Variants in ARNT2 observed in about 807,000 individuals in gnomAD.
ARNT2 encodes ARNT protein 2.
Under a neutral mutation model 91.7 loss-of-function variants are expected in ARNT2, and 36 were observed. The observed-to-expected ratio is 0.39, with a 90% CI of 0.30 to 0.52. The LOEUF is 0.52. Ranked by LOEUF, ARNT2 falls within the 20% of genes least tolerant of loss-of-function variation. ARNT2 has a pLI of 0.72. For missense variants in ARNT2, 775 were observed against 939.3 expected, an observed-to-expected ratio of 0.83 and a Z score of 2.29; for synonymous variants, 365 against 347.1, an observed-to-expected ratio of 1.05 and a Z score of -0.57.
chr15:80,593,817 A>C lies in ARNT2; in HGVS notation c.*119A>C. ...TGCCGCAGGCCCCCCACCAGAAGCC[A>C]TCTCCCCCGCTGTGTGTCCCCAGGC... On this transcript the variant is annotated 3_prime_UTR_variant, in exon 19 of 19. Coordinates refer to ENST00000303329, the MANE Select transcript of ARNT2 (RefSeq NM_014862.4). The C allele has an allele frequency of 3.3e-6, 3 of 905,066 alleles. No homozygotes were observed. Among genetic ancestry groups the C allele is most frequent in the African/African-American group, 1.6e-5 (1 of 60,698 alleles). The allele number at this position is 905,066 out of a possible 1,614,324, so 56.1% of individuals were successfully genotyped here.
chr15:80,435,173 C>T (rs1214343760), intron 1 of ARNT2, among the ~76,000 whole-genome samples: 5 of 152,228 alleles, frequency 3.3e-5, no homozygotes, highest in African/African-American at 1.2e-4. Flanking sequence ...GGCCACACAC[C>T]TCCTGCCCTC....
chr15:80,576,730 T>C, intron 14 of ARNT2, 136 bp from the exon 15 acceptor site: 1 of 830,434 alleles, frequency 1.2e-6, no homozygotes, highest in Non-Finnish European at 2.0e-6. Context: ...GCTGAGAAGA[T>C]TGCGTGCAGG....
At chr15:80,589,140 C>T (rs1053256006) in intron 17 of ARNT2, among the ~76,000 whole-genome samples, 11 of 152,046 alleles carry the variant, frequency 7.2e-5, no homozygotes, top group African/African-American at 1.9e-4. Context: ...CCAGGAGGCA[C>T]GTGAGAAAGA....
rs1349836433 is a variant in ARNT2, at chr15:80,566,353, GC to G, written c.1316+3117del. ...TGTTCATGAGTGTATCTATCTCAAT[GC>G]CCTCCTCTCCTCCATTTCTGGCATC... On this transcript the variant is annotated intron_variant, in intron 12 of 18. Coordinates refer to ENST00000303329, the MANE Select transcript of ARNT2 (RefSeq NM_014862.4). 2.0e-5 allele frequency among the ~76,000 whole-genome samples: 3 copies of G among 152,236 alleles called. No individual in the cohort carries two copies. In the East Asian group the frequency reaches 5.8e-4, roughly 29 times the overall value.
At chr15:80,553,409 A>G (rs1012601088) in intron 10 of ARNT2, among the ~76,000 whole-genome samples, 2 of 152,242 alleles carry the variant, frequency 1.3e-5, no homozygotes, top group African/African-American at 4.8e-5. Context: ...GGGTGATGTC[A>G]TTGAATAATT....
chr15:80,483,662 C>G (rs1187459210), intron 5 of ARNT2, among the ~76,000 whole-genome samples: 1 of 152,242 alleles, frequency 6.6e-6, no homozygotes, highest in Non-Finnish European at 1.5e-5. Flanking sequence ...CACTGTGGAA[C>G]AGGAGAGCGA....
In ARNT2 at chr15:80,450,864, C is replaced by G; in HGVS notation, c.32-16C>G. On this transcript the variant is annotated splice_polypyrimidine_tract_variant and intron_variant, in intron 1 of 18. Coordinates refer to ENST00000303329, the MANE Select transcript of ARNT2 (RefSeq NM_014862.4). ...TTCTGGCATTGACAAAACCTCTTGT[C>G]TTTGCTGAATTCCAGAAATGGCTTC... is the stretch of plus-strand genomic sequence containing the variant. 1 of 1,613,432 alleles carries G rather than the reference C, an allele frequency of 6.2e-7. No homozygotes were observed. The highest frequency in any genetic ancestry group is 2.2e-5 in the East Asian group (1 of 44,866).
intron 5 of ARNT2, among the ~76,000 whole-genome samples, chr15:80,478,693 A>G (rs570753543): frequency 6.6e-6 from 1 of 152,264 alleles, no homozygotes; most frequent in South Asian, 2.1e-4. Flanking sequence ...ACAAGCTCTT[A>G]TTGATTCCGT....
At chr15:80,453,771 G>A (rs1896439094) in intron 2 of ARNT2, among the ~76,000 whole-genome samples, 1 of 152,186 alleles carries the variant, frequency 6.6e-6, no homozygotes, top group Non-Finnish European at 1.5e-5. Context: ...ACATGGTGGA[G>A]AGACTCAGAG....
chr15:80,529,539 G>C (rs1158753883), intron 8 of ARNT2, among the ~76,000 whole-genome samples: 1 of 150,230 alleles, frequency 6.7e-6, no homozygotes, highest in Non-Finnish European at 1.5e-5. Flanking sequence ...GACCTTTCTA[G>C]GTTGTTTTTT....
intron 1 of ARNT2, among the ~76,000 whole-genome samples, chr15:80,446,256 G>T (rs536779208): frequency 1.4e-4 from 22 of 152,238 alleles, no homozygotes; most frequent in African/African-American, 4.8e-4. Context: ...AAGTAACAGA[G>T]GAGAAGGAAC....
rs1045495314 is a variant in ARNT2, at chr15:80,593,820, T to A, written c.*122T>A. 1.2e-6 allele frequency: 1 copy of A among 867,876 alleles called. No homozygotes were observed. Among genetic ancestry groups the A allele is most frequent in the Non-Finnish European group, 1.8e-6 (1 of 559,524 alleles). 53.8% of individuals were successfully genotyped at this position (867,876 alleles called of 1,614,324 possible). A position where few individuals can be genotyped will look rare whatever the true frequency, so the allele number is the denominator to read the frequency against. On this transcript the variant is annotated 3_prime_UTR_variant, in exon 19 of 19. Transcript: ENST00000303329. ...CGCAGGCCCCCCACCAGAAGCCATCTCCCCCGCTGTGTGTCCCCAGGCGCA... is the reference window on the plus strand; with the variant it reads ...CGCAGGCCCCCCACCAGAAGCCATCACCCCCGCTGTGTGTCCCCAGGCGCA...
intron 8 of ARNT2, among the ~76,000 whole-genome samples, chr15:80,529,299 G>A (rs1897697769): frequency 1.3e-5 from 2 of 152,146 alleles, no homozygotes. Context: ...TGGAGGGACG[G>A]GTAGTTACTC....
At chr15:80,466,285 T>C (rs147805891) in intron 3 of ARNT2, among the ~76,000 whole-genome samples, 1 of 152,360 alleles carries the variant, frequency 6.6e-6, no homozygotes, top group African/African-American at 2.4e-5. Flanking sequence ...CAAGTCAGTG[T>C]GCAGTTAGTT....
At chr15:80,534,199 G>A (rs944356377) in intron 8 of ARNT2, among the ~76,000 whole-genome samples, 6 of 152,250 alleles carry the variant, frequency 3.9e-5, no homozygotes, top group East Asian at 3.9e-4. Context: ...TTCTAGAGTC[G>A]GAATGGTACA....
intron 11 of ARNT2, among the ~76,000 whole-genome samples, chr15:80,559,144 C>T (rs1898265062): frequency 1.3e-5 from 2 of 152,248 alleles, no homozygotes; most frequent in African/African-American, 4.8e-5. Context: ...TCCAACAGCA[C>T]ATCCAAGGCT....
intron 17 of ARNT2, among the ~76,000 whole-genome samples, chr15:80,584,268 A>G (rs1345330730): frequency 6.6e-6 from 1 of 152,124 alleles, no homozygotes; most frequent in Admixed American, 6.5e-5. Context: ...TTCACATCAG[A>G]GGTGTAGAGG....
At chr15:80,420,514 T>C (rs759712151) in intron 1 of ARNT2, among the ~76,000 whole-genome samples, 35 of 152,192 alleles carry the variant, frequency 2.3e-4, no homozygotes, top group Non-Finnish European at 3.4e-4. Flanking sequence ...ACTGAAGATA[T>C]TTTCAATTTA....
chr15:80,573,350 G>T (rs1898616406), intron 12 of ARNT2, among the ~76,000 whole-genome samples: 1 of 151,876 alleles, frequency 6.6e-6, no homozygotes, highest in Non-Finnish European at 1.5e-5. Flanking sequence ...TATTTATTTT[G>T]CTTGAATTGT....
Sources: gnomAD v4.1 joint callset for allele counts (sites outside exome capture counted in the v4.1 genomes callset) on GRCh38, gnomAD v4.1.1 for gene constraint, MANE v1.5 for transcripts, NCBI Gene and HGNC (gene_info 2026-07-23, HGNC 2026-07-21) for gene names.